Variants in CHD5 observed in about 807,000 individuals in gnomAD.
CHD5 encodes chromodomain helicase DNA binding protein 5.
Under a neutral mutation model 230.3 loss-of-function variants are expected in CHD5, and 69 were observed. That is an observed-to-expected ratio of 0.30 (90% confidence interval 0.25 to 0.37). The LOEUF (loss-of-function observed/expected upper bound fraction) is 0.37. CHD5 is among the 10% of genes least tolerant of loss of function. CHD5 has a pLI of 1.00. For synonymous variants in CHD5, 1,064 were observed against 1,065.9 expected (o/e 1.00, Z 0.03); for missense variants, 1,827 against 2,622.8 (o/e 0.70, Z 6.63).
At chr1:6,174,322 T>A (rs1395142439) in intron 1 of CHD5, among the ~76,000 whole-genome samples, 2 of 152,158 alleles carry the variant, frequency 1.3e-5, no homozygotes, top group African/African-American at 4.8e-5. Flanking sequence ...ACACACATTG[T>A]GTTCAGTACC....
chr1:6,136,956 C>A, intron 15 of CHD5, 91 bp from the exon 16 acceptor site: 1 of 1,383,646 alleles, frequency 7.2e-7, no homozygotes, highest in Admixed American at 2.2e-5. Context: ...GAGGTGTGCA[C>A]AGGAACCCAC....
rs368876728 is a variant in CHD5, at chr1:6,121,288, C to T, written c.4780-51G>A. ...ACAAGGCCTGGGGCCTCACCAGGAA[C>T]GGAGGGCGGGGAACGTGCGCTGGGC... On this transcript the variant is annotated intron_variant, in intron 32 of 41. Transcript: ENST00000262450. This position sits in a 1 kb window ranked among gnomAD's most constrained non-coding sequence, Gnocchi z 4.5. 9.7e-5 allele frequency: 154 copies of T among 1,584,712 alleles called. No homozygotes were observed. The highest frequency in any genetic ancestry group is 2.2e-4 in the African/African-American group (16 of 73,634).
intron 6 of CHD5, 135 bp downstream of exon 6, chr1:6,152,277 G>C: frequency 1.1e-6 from 1 of 913,966 alleles, no homozygotes; most frequent in Non-Finnish European, 1.7e-6. Flanking sequence ...AGGATGGAAG[G>C]AGAATAGTGG....
chr1:6,143,139 A>G (rs577664591), intron 13 of CHD5, among the ~76,000 whole-genome samples: 2 of 151,912 alleles, frequency 1.3e-5, no homozygotes, highest in East Asian at 1.9e-4. Flanking sequence ...TGCAGCCTCA[A>G]TTTCCTGGGC....
Position 6,125,886 on chromosome 1 carries a change from G to A in CHD5, c.4079-28C>T, listed in dbSNP as rs773059679. Reference sequence around the variant, plus strand: ...GCAGGGGGCCAGACAGAGGGGCACGGAGTGAGCTGTACAAGCAAAGCCCAC... The same window carrying A: ...GCAGGGGGCCAGACAGAGGGGCACGAAGTGAGCTGTACAAGCAAAGCCCAC... On this transcript the variant is annotated intron_variant, in intron 26 of 41. Transcript: ENST00000262450. The surrounding 1 kb of genome is among the most constrained non-coding windows in gnomAD (Gnocchi z 6.7). The A allele has an allele frequency of 1.5e-5, 24 of 1,563,244 alleles. No individual in the cohort carries two copies. The East Asian group carries it at 4.9e-4, about 32-fold the overall frequency.
intron 15 of CHD5, among the ~76,000 whole-genome samples, chr1:6,139,864 G>A (rs78406496): frequency 0.14 from 21,283 of 152,180 alleles, 1,745 homozygotes; most frequent in East Asian, 0.4. Flanking sequence ...GTTCTTTTGC[G>A]TCTGATGATC....
intron 15 of CHD5, among the ~76,000 whole-genome samples, chr1:6,137,199 C>T (rs1666759702): frequency 6.6e-6 from 1 of 152,170 alleles, no homozygotes; most frequent in Non-Finnish European, 1.5e-5. Context: ...CCTCCACCTC[C>T]CAGGCTCAAG....
At chr1:6,168,541 A>C (rs1029185199) in intron 1 of CHD5, among the ~76,000 whole-genome samples, 2 of 152,212 alleles carry the variant, frequency 1.3e-5, no homozygotes, top group Non-Finnish European at 2.9e-5. Context: ...CCCTGATAAG[A>C]CAGTGTTCAG....
At chr1:6,174,824 C>T (rs924953503) in intron 1 of CHD5, among the ~76,000 whole-genome samples, 6 of 137,376 alleles carry the variant, frequency 4.4e-5, no homozygotes, top group South Asian at 2.4e-4. Context: ...GGAGGATGGA[C>T]GGATGGATAA....
intron 37 of CHD5, 46 bp downstream of exon 37, chr1:6,110,348 C>T: frequency 6.4e-7 from 1 of 1,574,200 alleles, no homozygotes; most frequent in Non-Finnish European, 8.6e-7. Context: ...CCTCCTGACA[C>T]CGTCCCTCCC....
At chr1:6,107,983 T>A (rs1666221687) in intron 38 of CHD5, among the ~76,000 whole-genome samples, 1 of 96,976 alleles carries the variant, frequency 1.0e-5, no homozygotes, top group East Asian at 3.5e-4. Context: ...GGAGGGATGA[T>A]GGAGAGATGG....
Position 6,155,562 on chromosome 1 carries a change from G to T in CHD5, c.506+37C>A. ...TCCCGACTTGGTACCACCAGAGGATGTGCGGGCCTGGAGAACAGCCCTAGT... is the reference window on the plus strand; with the variant it reads ...TCCCGACTTGGTACCACCAGAGGATTTGCGGGCCTGGAGAACAGCCCTAGT... On this transcript the variant is annotated intron_variant, in intron 4 of 41. Transcript: ENST00000262450. The surrounding 1 kb of genome is among the most constrained non-coding windows in gnomAD (Gnocchi z 4.0). 1 of 1,531,196 alleles carries T rather than the reference G, an allele frequency of 6.5e-7. No individual in the cohort carries two copies. Among genetic ancestry groups the T allele is most frequent in the Non-Finnish European group, 9.1e-7 (1 of 1,104,968 alleles). 94.9% of individuals were successfully genotyped at this position (1,531,196 alleles called of 1,614,324 possible). A position where few individuals can be genotyped will look rare whatever the true frequency, so the allele number is the denominator to read the frequency against.
intron 2 of CHD5, among the ~76,000 whole-genome samples, chr1:6,164,811 C>T (rs1412837847): frequency 2.0e-5 from 3 of 152,158 alleles, no homozygotes; most frequent in Non-Finnish European, 4.4e-5. Context: ...CTTCCCCTTC[C>T]AAGAACCAGA....
At chr1:6,133,386 T>C (rs950957317) in intron 20 of CHD5, among the ~76,000 whole-genome samples, 4 of 152,210 alleles carry the variant, frequency 2.6e-5, no homozygotes, top group Admixed American at 6.5e-5. Context: ...CCCAGCAGGG[T>C]GACCTGGGGC....
chr1:6,168,417 C>T (rs1667287673), intron 1 of CHD5, 140 bp from the exon 2 acceptor site: 1 of 980,324 alleles, frequency 1.0e-6, no homozygotes. Flanking sequence ...CCTCCCCAAA[C>T]CCAGTGAAGT....
chr1:6,178,823 C>T (rs1240529231), intron 1 of CHD5, among the ~76,000 whole-genome samples: 1 of 152,156 alleles, frequency 6.6e-6, no homozygotes, highest in East Asian at 1.9e-4. Flanking sequence ...CTGGCTGCTT[C>T]CTCCAACAGG....
chr1:6,180,003 G>A lies in CHD5; in HGVS notation c.21C>T (p.Thr7=). The stretch of plus-strand genomic sequence containing the variant: ...CGAACAGCCGCGGCAGCTCCTCCTC[G>A]GTGCCCACTGGGCCCCGCATGCCCG... MRGPVG[T]EEELPRLFAE... The change falls in exon 1 of 42, where the codon ACC becomes ACT. Residue 7 remains threonine, a synonymous_variant. Transcript: ENST00000262450. The A allele has an allele frequency of 7.2e-7, 1 of 1,381,288 alleles. No homozygotes were observed. The highest frequency in any genetic ancestry group is 9.5e-7 in the Non-Finnish European group (1 of 1,055,114). 85.6% of individuals were successfully genotyped at this position (1,381,288 alleles called of 1,614,324 possible).
At chr1:6,107,622 G>T (rs1484597152) in intron 38 of CHD5, among the ~76,000 whole-genome samples, 3 of 125,460 alleles carry the variant, frequency 2.4e-5, no homozygotes, top group African/African-American at 9.4e-5. Flanking sequence ...GGGATATAGG[G>T]ATGAAGCGAT....
At chr1:6,117,645 T>A (rs747731150) in intron 33 of CHD5, among the ~76,000 whole-genome samples, 15 of 152,336 alleles carry the variant, frequency 9.8e-5, no homozygotes, top group Non-Finnish European at 1.5e-4. Context: ...GGACATTTCT[T>A]CAACAAATTA....
Sources: allele counts gnomAD v4.1 joint callset (sites outside exome capture counted in the v4.1 genomes callset), GRCh38; gene constraint gnomAD v4.1.1; non-coding constraint Gnocchi (gnomAD v3.1); transcripts MANE v1.5; gene names NCBI Gene and HGNC (gene_info 2026-07-23, HGNC 2026-07-21).